The following LIFR variants were observed in gnomAD, a reference collection of about 807,000 sequenced individuals.
LIFR encodes leukemia inhibitory factor receptor.
In LIFR, 84 loss-of-function variants were observed where a neutral mutation model predicts 122.2. The ratio of observed to expected loss-of-function variants is 0.69; its 90% CI spans 0.58 to 0.82. The LOEUF is 0.82. Ranked by LOEUF, LIFR falls within the 40% of genes least tolerant of loss-of-function variation. LIFR has a pLI of 0.00. For missense variants in LIFR, 1,294 were observed against 1,311.6 expected (o/e 0.99, Z 0.21); for synonymous variants, 422 against 434.7 (o/e 0.97, Z 0.36).
Position 38,548,571 on chromosome 5 carries a change from C to A in LIFR, c.-20+7763G>T, listed in dbSNP as rs140024285. Among the ~76,000 whole-genome samples the A allele has an allele frequency of 3.3e-3, 510 of 152,260 alleles. 1 individual carries two copies. Among genetic ancestry groups the A allele is most frequent in the Non-Finnish European group, 5.2e-3 (351 of 68,034 alleles). ...CAGGACACTGCTGCAAATCTGATGC[C>A]TACCTAGTGCCTGTTAAAGAAAAGG... On this transcript the variant is annotated intron_variant, in intron 1 of 19. Transcript: ENST00000453190.
At chr5:38,581,398 A>C (rs1462038467) in intron 1 of LIFR, among the ~76,000 whole-genome samples, 1 of 152,202 alleles carries the variant, frequency 6.6e-6, no homozygotes, top group Non-Finnish European at 1.5e-5. Context: ...ACTCTCAGCC[A>C]ATCTGAACTT....
chr5:38,577,258 G>A (rs376925217), intron 1 of LIFR, among the ~76,000 whole-genome samples: 3 of 152,326 alleles, frequency 2.0e-5, no homozygotes, highest in South Asian at 4.1e-4. Context: ...GAAAGAAGCA[G>A]ATATTTGAAG....
rs1743812160 is a variant in LIFR, at chr5:38,478,177, C to T, written c.*3418G>A. 1 of 208,422 alleles carries T rather than the reference C, an allele frequency of 4.8e-6. No individual in the cohort carries two copies. Among genetic ancestry groups the T allele is most frequent in the Non-Finnish European group, 9.8e-6 (1 of 102,522 alleles). 12.9% of individuals were successfully genotyped at this position (208,422 alleles called of 1,614,324 possible). On this transcript the variant is annotated 3_prime_UTR_variant, in exon 20 of 20. Transcript: ENST00000453190. The stretch of plus-strand genomic sequence containing the variant: ...TTGTTAAATATGGACGGCATGAAGA[C>T]AATTAAGAAACTATAGGACTTATTT...
At chr5:38,531,881 C>T (rs77188608) in intron 1 of LIFR, among the ~76,000 whole-genome samples, 1 of 152,174 alleles carries the variant, frequency 6.6e-6, no homozygotes, top group Non-Finnish European at 1.5e-5. Context: ...TAATTATAAC[C>T]ATAACATGCA....
intron 6 of LIFR, among the ~76,000 whole-genome samples, chr5:38,510,949 T>C (rs929088263): frequency 1.3e-5 from 2 of 149,056 alleles, no homozygotes; most frequent in Non-Finnish European, 2.9e-5. Context: ...TGTGGTTTTA[T>C]TTACTTATGA....
rs193019517 is a variant in LIFR, at chr5:38,480,994, C to A, written c.*601G>T. 1.9e-3 allele frequency: 417 copies of A among 225,224 alleles called. 2 individuals are homozygous for A. Among genetic ancestry groups the A allele is most frequent in the African/African-American group, 8.6e-3 (386 of 44,764 alleles). The allele number at this position is 225,224 out of a possible 1,614,324, so 14.0% of individuals were successfully genotyped here. ...AGACAACTGTTTGATAACCATTATA[C>A]AGTAGGCACAGAAATAAGCATACTT... On this transcript the variant is annotated 3_prime_UTR_variant, in exon 20 of 20. Transcript: ENST00000453190.
intron 13 of LIFR, 87 bp downstream of exon 13, chr5:38,496,295 G>C: frequency 6.6e-6 from 7 of 1,062,562 alleles, no homozygotes; most frequent in Non-Finnish European, 1.0e-5. Context: ...ACGAGAAGAA[G>C]GCTGACATGA....
intron 14 of LIFR, among the ~76,000 whole-genome samples, chr5:38,491,506 G>C (rs1443440424): frequency 6.6e-6 from 1 of 152,196 alleles, no homozygotes; most frequent in African/African-American, 2.4e-5. Flanking sequence ...CTCATCAGTG[G>C]TGGTCGAGAA....
chr5:38,494,236 C>T (rs200009956), intron 13 of LIFR, among the ~76,000 whole-genome samples: 2 of 152,140 alleles, frequency 1.3e-5, no homozygotes, highest in East Asian at 3.9e-4. Context: ...AGTAGGCACA[C>T]AACAAACTTG....
chr5:38,482,971 T>G (rs947020063), intron 18 of LIFR, among the ~76,000 whole-genome samples: 1 of 152,222 alleles, frequency 6.6e-6, no homozygotes, highest in African/African-American at 2.4e-5. Context: ...ATCTGGACTA[T>G]GTAAGAACAG....
At chr5:38,606,707 A>C (rs1380869952) in intron 1 of LIFR, among the ~76,000 whole-genome samples, 2 of 152,216 alleles carry the variant, frequency 1.3e-5, no homozygotes, top group Non-Finnish European at 2.9e-5. Context: ...AGTGCTGCAC[A>C]GTTGCATATT....
chr5:38,529,611 G>A (rs1023601480), intron 2 of LIFR, among the ~76,000 whole-genome samples: 2 of 151,756 alleles, frequency 1.3e-5, no homozygotes, highest in Admixed American at 6.6e-5. Flanking sequence ...AAGTCACCCC[G>A]AAAAGAAAAT....
intron 2 of LIFR, among the ~76,000 whole-genome samples, chr5:38,600,900 G>T (rs1750210485): frequency 6.6e-6 from 1 of 152,142 alleles, no homozygotes; most frequent in Non-Finnish European, 1.5e-5. Flanking sequence ...TAACAATGTG[G>T]CCAGCAGCCC....
intron 16 of LIFR, among the ~76,000 whole-genome samples, chr5:38,486,787 G>C (rs989633720): frequency 1.3e-5 from 2 of 152,108 alleles, no homozygotes; most frequent in African/African-American, 2.4e-5. Context: ...GATAAAGATA[G>C]AGCTCTTTTA....
At chr5:38,588,129 A>G (rs550041348) in intron 1 of LIFR, among the ~76,000 whole-genome samples, 1 of 152,338 alleles carries the variant, frequency 6.6e-6, no homozygotes, top group African/African-American at 2.4e-5. Context: ...CAAAATCCCC[A>G]ATATTCAATA....
intron 1 of LIFR, among the ~76,000 whole-genome samples, chr5:38,592,513 C>T (rs191609556): frequency 1.1e-4 from 17 of 152,014 alleles, no homozygotes; most frequent in African/African-American, 3.4e-4. Flanking sequence ...AAAAATTAGC[C>T]AGGTGTGGTG....
rs529508682 is a variant in LIFR at position 38,492,425 on chromosome 5, T to A, written c.2065+1181A>T. On this transcript the variant is annotated intron_variant, in intron 14 of 19. Coordinates refer to ENST00000453190, the MANE Select transcript of LIFR (RefSeq NM_001127671.2). ...AAAGCTCAGGTGAGAAAGGACAGAC[T>A]GGAATCGTGTAAGGCTCATTCAGCA... 4.6e-5 allele frequency among the ~76,000 whole-genome samples: 7 copies of A among 152,220 alleles called. No individual in the cohort carries two copies. The East Asian group carries it at 1.2e-3, about 25-fold the overall frequency.
chr5:38,491,502 A>T (rs1349536409), intron 14 of LIFR, among the ~76,000 whole-genome samples: 1 of 152,250 alleles, frequency 6.6e-6, no homozygotes, highest in Non-Finnish European at 1.5e-5. Context: ...GATGCTCATC[A>T]GTGGTGGTCG....
chr5:38,513,017 G>A (rs1561162768), intron 5 of LIFR, among the ~76,000 whole-genome samples: 1 of 152,056 alleles, frequency 6.6e-6, no homozygotes, highest in Non-Finnish European at 1.5e-5. Flanking sequence ...TGAGAAATGA[G>A]CAAGATTTCA....
Sources: allele counts gnomAD v4.1 joint callset (sites outside exome capture counted in the v4.1 genomes callset), GRCh38; gene constraint gnomAD v4.1.1; transcripts MANE v1.5; gene names NCBI Gene and HGNC (gene_info 2026-07-23, HGNC 2026-07-21).